The following HEATR1 variants were observed in gnomAD, a reference collection of about 807,000 sequenced individuals.
The protein encoded by HEATR1 is HEAT repeat containing 1.
Under a neutral mutation model 248.2 loss-of-function variants are expected in HEATR1, and 77 were observed. The observed-to-expected ratio is 0.31, with a 90% CI of 0.26 to 0.37. The LOEUF is 0.37. Ranked by LOEUF, HEATR1 falls within the 10% of genes least tolerant of loss-of-function variation. HEATR1 has a pLI of 1.00. For synonymous variants in HEATR1, 897 were observed against 923.1 expected (o/e 0.97, Z 0.51); for missense variants, 2,420 against 2,504.9 (o/e 0.97, Z 0.72).
At position 236,555,871 on chromosome 1, in the gene HEATR1, G is replaced by A; in HGVS notation, c.5583C>T (p.Thr1861=). Residue 1861 remains threonine, a synonymous_variant, in exon 39 of 45, where the codon ACC becomes ACT. Coordinates refer to ENST00000366582, the MANE Select transcript of HEATR1 (RefSeq NM_018072.6). ...AGGCGGTTAGCTGAGACTGATGGGA[G>A]GTGAGCTCTTCCTTCTTCATCACCC... ...HIGVMKKEEL[T]SHQSQLTAFF... 1 of 1,613,674 alleles carries A rather than the reference G, an allele frequency of 6.2e-7. No individual in the cohort carries two copies.
intron 3 of HEATR1, among the ~76,000 whole-genome samples, chr1:236,600,183 A>G (rs1480204959): frequency 1.6e-5 from 2 of 125,090 alleles, no homozygotes; most frequent in Non-Finnish European, 3.1e-5. Flanking sequence ...GCTGGAGTGC[A>G]GTGGCACAAT....
intron 14 of HEATR1, 142 bp from the exon 15 acceptor site, chr1:236,586,594 C>A: frequency 1.8e-6 from 1 of 567,450 alleles, no homozygotes; most frequent in Non-Finnish European, 3.1e-6. Context: ...CACTAAGACA[C>A]CACTTAAAAT....
At chr1:236,561,337 G>T (rs889544551) in intron 32 of HEATR1, 66 bp from the exon 33 acceptor site, 5 of 1,285,828 alleles carry the variant, frequency 3.9e-6, no homozygotes, top group Middle Eastern at 1.9e-4. Context: ...TTTCAAGTCA[G>T]TTCAATGAAA....
chr1:236,598,090 TATA>T, intron 4 of HEATR1, 111 bp from the exon 5 acceptor site: 1 of 611,834 alleles, frequency 1.6e-6, no homozygotes, highest in Non-Finnish European at 2.8e-6. Context: ...AAATAAAAAA[TATA>T]ATCTCTCCTT....
At chr1:236,561,810 T>C (rs1663140628) in intron 32 of HEATR1, among the ~76,000 whole-genome samples, 1 of 152,258 alleles carries the variant, frequency 6.6e-6, no homozygotes, top group Non-Finnish European at 1.5e-5. Flanking sequence ...CTGCATATGA[T>C]ATTCCTCTAT....
intron 24 of HEATR1, among the ~76,000 whole-genome samples, chr1:236,573,746 A>G (rs920917100): frequency 6.6e-6 from 1 of 152,188 alleles, no homozygotes; most frequent in Non-Finnish European, 1.5e-5. Flanking sequence ...TATTCAAAAA[A>G]GAGAATAACC....
At chr1:236,559,624 C>A in intron 34 of HEATR1, 90 bp downstream of exon 34, 2 of 1,380,332 alleles carry the variant, frequency 1.4e-6, no homozygotes, top group Non-Finnish European at 9.7e-7. Context: ...AAAGGAATTG[C>A]TAAGTTTATT....
At chr1:236,580,814 G>A (rs1663709592) in intron 20 of HEATR1, among the ~76,000 whole-genome samples, 1 of 124,252 alleles carries the variant, frequency 8.0e-6, no homozygotes, top group African/African-American at 3.1e-5. Flanking sequence ...ACCTCGCCTG[G>A]CCTTTATCGA....
chr1:236,580,519 C>CTTTTTTT (rs10692063), intron 20 of HEATR1, among the ~76,000 whole-genome samples: 1,418 of 132,020 alleles, frequency 0.011, 90 homozygotes, highest in East Asian at 0.1. Context: ...ATGTACAGCC[C>CTTTTTTT]TTTTTTTTTT....
Position 236,594,116 on chromosome 1 carries a change from T to C in HEATR1, c.1091-2A>G. The C allele has an allele frequency of 6.5e-7, 1 of 1,545,414 alleles. No homozygotes were observed. The highest frequency in any genetic ancestry group is 8.8e-7 in the Non-Finnish European group (1 of 1,138,782). ...CATCCATTCCTTCAGTTTCTTCTCC[T>C]TAATATGTAAAAATTAAAATTGTGT... On this transcript the variant is annotated splice_acceptor_variant, in intron 8 of 44. Coordinates refer to ENST00000366582, the MANE Select transcript of HEATR1 (RefSeq NM_018072.6). LOFTEE classifies it high-confidence loss of function.
chr1:236,555,253 C>A, intron 41 of HEATR1, 43 bp downstream of exon 41: 1 of 1,595,188 alleles, frequency 6.3e-7, no homozygotes, highest in Non-Finnish European at 8.6e-7. Context: ...TTGTATAAGG[C>A]ACACAGGGCA....
Position 236,564,513 on chromosome 1 carries a change from A to T in HEATR1, c.4584T>A (p.Asn1528Lys). 1 of 1,613,104 alleles carries T rather than the reference A, an allele frequency of 6.2e-7. No homozygotes were observed. Among genetic ancestry groups the T allele is most frequent in the Admixed American group, 1.7e-5 (1 of 59,854 alleles). Reference sequence around the variant, plus strand: ...AACACATTACCTTTTTCAGAAAATTATTGGAAGACAGGAGCTGAGACATGA... The same window carrying T: ...AACACATTACCTTTTTCAGAAAATTTTTGGAAGACAGGAGCTGAGACATGA... The part of the protein sequence containing the change: ...VSFMSQLLSS[N>K]NFLKKVVESG... Residue 1528 changes from asparagine (N) to lysine (K), a missense_variant, in exon 32 of 45, where the codon AAT becomes AAA. Coordinates refer to ENST00000366582, the MANE Select transcript of HEATR1 (RefSeq NM_018072.6).
chr1:236,563,253 T>A (rs1351742433), intron 32 of HEATR1, among the ~76,000 whole-genome samples: 1 of 152,198 alleles, frequency 6.6e-6, no homozygotes, highest in Non-Finnish European at 1.5e-5. Flanking sequence ...TATCCTGCAC[T>A]GCTGAGAGGA....
chr1:236,572,203 C>T (rs1663448586), intron 26 of HEATR1, among the ~76,000 whole-genome samples: 1 of 152,154 alleles, frequency 6.6e-6, no homozygotes, highest in Non-Finnish European at 1.5e-5. Context: ...CAGTGAGTGG[C>T]CATTTACTAC....
At chr1:236,596,748 A>T in intron 6 of HEATR1, 88 bp downstream of exon 6, 1 of 1,288,674 alleles carries the variant, frequency 7.8e-7, no homozygotes, top group Non-Finnish European at 1.1e-6. Context: ...CTGTCAATTT[A>T]AAAACACTTA....
Position 236,587,337 on chromosome 1 carries a change from A to C in HEATR1, c.1715+65T>G. On this transcript the variant is annotated intron_variant, in intron 14 of 44. Coordinates refer to ENST00000366582, the MANE Select transcript of HEATR1 (RefSeq NM_018072.6). ...GCCTTAAAAAAAAAAAGAAGAAGAAATAGAAAGAACTTGATATAAGAACTT... is the reference window on the plus strand; with the variant it reads ...GCCTTAAAAAAAAAAAGAAGAAGAACTAGAAAGAACTTGATATAAGAACTT... 3.9e-6 allele frequency: 3 copies of C among 766,570 alleles called. No homozygotes were observed. The South Asian group carries it at 8.6e-5, about 22-fold the overall frequency. 47.5% of individuals were successfully genotyped at this position (766,570 alleles called of 1,614,324 possible).
chr1:236,581,171 A>G, intron 20 of HEATR1, 51 bp downstream of exon 20: 1 of 1,437,992 alleles, frequency 7.0e-7, no homozygotes, highest in Non-Finnish European at 9.7e-7. Flanking sequence ...CCATATAGAG[A>G]AAGCATGAAC....
At chr1:236,591,852 G>T in intron 11 of HEATR1, 141 bp downstream of exon 11, 1 of 513,988 alleles carries the variant, frequency 1.9e-6, no homozygotes, top group South Asian at 4.0e-5. Context: ...CGTACTTCAG[G>T]CAACTAGGCA....
chr1:236,558,157 A>C, intron 36 of HEATR1, 80 bp downstream of exon 36: 1 of 1,462,012 alleles, frequency 6.8e-7, no homozygotes, highest in Non-Finnish European at 9.2e-7. Flanking sequence ...CAGAGGAAAA[A>C]AAAAAAAAGT....
Sources: allele counts gnomAD v4.1 joint callset (sites outside exome capture counted in the v4.1 genomes callset), GRCh38; gene constraint gnomAD v4.1.1; transcripts MANE v1.5; gene names NCBI Gene and HGNC (gene_info 2026-07-23, HGNC 2026-07-21).